BRD10: variants seen among roughly 807,000 people sequenced by gnomAD.
The protein encoded by BRD10 is uncharacterized bromodomain-containing protein 10.
At chr9:5,919,712 A>G in the BRD10 span, 1 of 1,611,574 alleles carries the variant, frequency 6.2e-7, no homozygotes, top group Non-Finnish European at 8.5e-7. Context: ...AGGCTTCTCT[A>G]AGCCCGACGA....
the BRD10 span, among the ~76,000 whole-genome samples, chr9:5,912,352 T>C: frequency 1.2e-4 from 19 of 152,252 alleles, no homozygotes; most frequent in South Asian, 2.1e-3. Flanking sequence ...CTAATTTGAA[T>C]GTCCCGTCTC....
chr9:6,007,934 C>A, the BRD10 span: 4 of 1,329,966 alleles, frequency 3.0e-6, no homozygotes, highest in Middle Eastern at 5.6e-4. Context: ...CGGCTCGGCT[C>A]GGTGCGCGCG....
At chr9:6,007,825 G>A in the BRD10 span, 2 of 1,418,628 alleles carry the variant, frequency 1.4e-6, no homozygotes, top group Non-Finnish European at 1.8e-6. Flanking sequence ...TGGAACAGCC[G>A]CTCGAGGTGC....
chr9:5,920,746 T>C, the BRD10 span: 1 of 1,613,814 alleles, frequency 6.2e-7, no homozygotes. Context: ...TAGTCGCAGG[T>C]GTAGGTAAGG....
chr9:6,007,247 G>C, the BRD10 span: 1 of 1,613,904 alleles, frequency 6.2e-7, no homozygotes, highest in Non-Finnish European at 8.5e-7. Flanking sequence ...TTCTGGCCCT[G>C]TTTGGAGATC....
the BRD10 span, among the ~76,000 whole-genome samples, chr9:5,949,860 T>C: frequency 2.0e-5 from 3 of 152,198 alleles, no homozygotes; most frequent in South Asian, 2.1e-4. Context: ...AAGTAACTAT[T>C]AGGAAAACTG....
At chr9:5,921,803 T>C in the BRD10 span, 1 of 1,614,006 alleles carries the variant, frequency 6.2e-7, no homozygotes, top group East Asian at 2.2e-5. Context: ...AATAGAGGAC[T>C]TCAAGGGAGA....
chr9:5,908,318 G>A, the BRD10 span, among the ~76,000 whole-genome samples: 18 of 152,182 alleles, frequency 1.2e-4, no homozygotes, highest in South Asian at 2.1e-4. Flanking sequence ...AAGATGCAAT[G>A]TATATGGTGT....
chr9:6,005,282 G>A, the BRD10 span, among the ~76,000 whole-genome samples: 76 of 151,618 alleles, frequency 5.0e-4, no homozygotes, highest in African/African-American at 1.7e-3. Flanking sequence ...AGGCCGAGGC[G>A]GGCGGATCAC....
chr9:5,933,613 A>G, the BRD10 span: 7 of 350,086 alleles, frequency 2.0e-5, no homozygotes, highest in South Asian at 1.7e-4. Context: ...ATGCAGTTTT[A>G]TAAGTCTTTG....
the BRD10 span, among the ~76,000 whole-genome samples, chr9:6,004,554 C>T: frequency 3.3e-5 from 5 of 152,202 alleles, no homozygotes; most frequent in Non-Finnish European, 7.3e-5. Flanking sequence ...TAGGGAACGG[C>T]TTTAAAGTCT....
the BRD10 span, among the ~76,000 whole-genome samples, chr9:5,976,739 A>G: frequency 6.6e-6 from 1 of 151,930 alleles, no homozygotes; most frequent in South Asian, 2.1e-4. Context: ...AGTAGAATAG[A>G]TGTGAAGAGT....
At chr9:5,941,397 T>C in the BRD10 span, among the ~76,000 whole-genome samples, 1 of 152,136 alleles carries the variant, frequency 6.6e-6, no homozygotes, top group African/African-American at 2.4e-5. Context: ...ATCATGTAAA[T>C]AATGATGAGA....
chr9:5,941,778 T>A, the BRD10 span, among the ~76,000 whole-genome samples: 15 of 152,204 alleles, frequency 9.9e-5, no homozygotes, highest in East Asian at 2.7e-3. Flanking sequence ...AAATAAAGTT[T>A]ACTAATTAAA....
chr9:6,007,081 G>A, the BRD10 span: 81 of 1,062,744 alleles, frequency 7.6e-5, 1 homozygote, highest in Non-Finnish European at 1.0e-4. Context: ...CTCCAGCACC[G>A]ACTCAGCACC....
At chr9:6,001,641 A>T in the BRD10 span, among the ~76,000 whole-genome samples, 2 of 152,234 alleles carry the variant, frequency 1.3e-5, no homozygotes, top group African/African-American at 4.8e-5. Flanking sequence ...TCTAGCACAT[A>T]ATAGTTCAAA....
At chr9:6,004,852 G>T in the BRD10 span, among the ~76,000 whole-genome samples, 99 of 152,280 alleles carry the variant, frequency 6.5e-4, no homozygotes, top group Non-Finnish European at 1.1e-3. Flanking sequence ...AGTTAGTAAT[G>T]ACTCAGATTT....
the BRD10 span, chr9:5,921,696 G>T: frequency 1.2e-6 from 2 of 1,613,876 alleles, no homozygotes; most frequent in South Asian, 1.1e-5. Flanking sequence ...GTTGGAGTAT[G>T]AATAATATTT....
the BRD10 span, chr9:5,922,087 G>A: frequency 1.2e-6 from 2 of 1,613,978 alleles, no homozygotes; most frequent in Non-Finnish European, 1.7e-6. Context: ...ATACAGTATT[G>A]GGTGAATTTT....
Sources: gnomAD v4.1 joint callset for allele counts (sites outside exome capture counted in the v4.1 genomes callset) on GRCh38, gnomAD v4.1.1 for gene constraint, MANE v1.5 for transcripts, NCBI Gene and HGNC (gene_info 2026-07-23, HGNC 2026-07-21) for gene names.